PRXL2C: variants seen among roughly 807,000 people sequenced by gnomAD.
PRXL2C encodes peroxiredoxin like 2C, also known as peroxiredoxin-like 2C.
In PRXL2C, 38 loss-of-function variants were observed where a neutral mutation model predicts 24.9. That is an observed-to-expected ratio of 1.53 (90% CI 1.18 to 2.00). The LOEUF is 2.00. PRXL2C is among the 30% of genes most tolerant of loss of function. The pLI is 0.00. For synonymous variants in PRXL2C, 98 were observed against 117.2 expected (o/e 0.84, Z 1.06); for missense variants, 294 against 290.9 (o/e 1.01, Z -0.08).
intron 2 of PRXL2C, among the ~76,000 whole-genome samples, chr9:96,653,220 C>G (rs2119192608): frequency 6.7e-6 from 1 of 148,408 alleles, no homozygotes; most frequent in East Asian, 1.9e-4. Flanking sequence ...GAGTGAGACT[C>G]CATCTCAAAA....
rs1399674879 is a variant in PRXL2C at position 96,645,871 on chromosome 9, G to C, written c.553+22C>G. On this transcript the variant is annotated intron_variant, in intron 5 of 5. Coordinates refer to ENST00000375234, the MANE Select transcript of PRXL2C (RefSeq NM_153698.2). Reference sequence around the variant, plus strand: ...TAAAAAGCACAAGACGTCTACTGCTGAACCTGGGCTTTGATGCTTACCTGG... The same window carrying C: ...TAAAAAGCACAAGACGTCTACTGCTCAACCTGGGCTTTGATGCTTACCTGG... 7 of 1,586,876 alleles carry C rather than the reference G, an allele frequency of 4.4e-6. No individual in the cohort carries two copies. The African/African-American group carries it at 6.8e-5, about 16-fold the overall frequency.
chr9:96,643,262 T>G (rs1324490826), intron 5 of PRXL2C, among the ~76,000 whole-genome samples: 1 of 152,146 alleles, frequency 6.6e-6, no homozygotes, highest in African/African-American at 2.4e-5. Flanking sequence ...TATTTATTTT[T>G]GGGGGCAGTG....
chr9:96,645,653 C>T (rs907569860), intron 5 of PRXL2C, among the ~76,000 whole-genome samples: 6 of 151,784 alleles, frequency 4.0e-5, no homozygotes, highest in East Asian at 2.0e-4. Flanking sequence ...AAAAATTAGC[C>T]GGGCGTCGTG....
intron 5 of PRXL2C, 121 bp downstream of exon 5, chr9:96,645,772 T>G (rs552192991): frequency 2.4e-4 from 281 of 1,189,344 alleles, no homozygotes; most frequent in Admixed American, 1.0e-3. Context: ...ACTCCAGCCT[T>G]GGCGACAGAG....
chr9:96,652,153 C>T (rs1464471327), intron 2 of PRXL2C, among the ~76,000 whole-genome samples: 3 of 152,188 alleles, frequency 2.0e-5, no homozygotes, highest in Admixed American at 6.6e-5. Flanking sequence ...GCAAACTATA[C>T]ATCTGATAAG....
chr9:96,642,571 G>C (rs1588099327), intron 5 of PRXL2C, among the ~76,000 whole-genome samples: 1 of 149,510 alleles, frequency 6.7e-6, no homozygotes, highest in East Asian at 1.9e-4. Context: ...TTTTGAGACG[G>C]AGGCTCGCTT....
intron 4 of PRXL2C, among the ~76,000 whole-genome samples, chr9:96,646,725 A>T (rs143474461): frequency 1.3e-5 from 2 of 152,300 alleles, no homozygotes; most frequent in African/African-American, 4.8e-5. Flanking sequence ...CACAAGATGG[A>T]GGGTGCCTGG....
At position 96,655,152 on chromosome 9, in the gene PRXL2C, C is replaced by G; in HGVS notation, c.130G>C (p.Gly44Arg). ...AGCGCGCCGAACGGTACCCGCTGCC[C>G]GCGGGCGTCCAGCACCGGCAGCTCG... ...VAELPVLDAR[G>R]QRVPFGALFR... The change falls in exon 1 of 6, where the codon GGG (glycine) becomes CGG (arginine). Residue 44 changes from glycine to arginine, a missense_variant. Coordinates refer to ENST00000375234, the MANE Select transcript of PRXL2C (RefSeq NM_153698.2). 7.6e-7 allele frequency: 1 copy of G among 1,312,742 alleles called. No homozygotes were observed. Among genetic ancestry groups the G allele is most frequent in the Non-Finnish European group, 9.6e-7 (1 of 1,036,532 alleles). The allele number at this position is 1,312,742 out of a possible 1,614,324, so 81.3% of individuals were successfully genotyped here.
chr9:96,645,349 C>G (rs933190281), intron 5 of PRXL2C, among the ~76,000 whole-genome samples: 1 of 152,070 alleles, frequency 6.6e-6, no homozygotes, highest in Admixed American at 6.6e-5. Context: ...GGGAAATCAT[C>G]TAGGCATGGG....
chr9:96,642,103 T>C (rs1848125063), intron 5 of PRXL2C, among the ~76,000 whole-genome samples: 1 of 152,158 alleles, frequency 6.6e-6, no homozygotes, highest in Admixed American at 6.6e-5. Flanking sequence ...TACTTGATGT[T>C]TTATGAGATC....
At chr9:96,643,232 T>C (rs1848143170) in intron 5 of PRXL2C, among the ~76,000 whole-genome samples, 1 of 151,982 alleles carries the variant, frequency 6.6e-6, no homozygotes, top group African/African-American at 2.4e-5. Flanking sequence ...ATGCTCTCCA[T>C]GTGCTCTTTC....
rs1323069848 is a variant in PRXL2C, at chr9:96,655,119, C to A, written c.163G>T (p.Glu55Ter). The change falls in exon 1 of 6, where the codon GAG becomes TAG. Residue 55 changes from glutamate to a stop codon, truncating the protein, a stop_gained. Coordinates refer to ENST00000375234, the MANE Select transcript of PRXL2C (RefSeq NM_153698.2). LOFTEE classifies it high-confidence loss of function. Reference protein sequence around the residue: ...QRVPFGALFRERRAVVVFVRH... With the variant: ...QRVPFGALFR The stretch of plus-strand genomic sequence containing the variant: ...ACGAACACCACCACGGCGCGGCGCT[C>A]CCGGAACAGCGCGCCGAACGGTACC... 2 of 1,408,530 alleles carry A rather than the reference C, an allele frequency of 1.4e-6. No homozygotes were observed. Among genetic ancestry groups the A allele is most frequent in the East Asian group, 3.2e-5 (1 of 31,666 alleles). 87.3% of individuals were successfully genotyped at this position (1,408,530 alleles called of 1,614,324 possible).
chr9:96,645,190 T>C (rs1311773887), intron 5 of PRXL2C, among the ~76,000 whole-genome samples: 1 of 151,620 alleles, frequency 6.6e-6, no homozygotes, highest in East Asian at 2.0e-4. Flanking sequence ...ATTACAGGCG[T>C]AAACCACCGC....
rs749351590 is a variant in PRXL2C at position 96,641,813 on chromosome 9, A to C, written c.627T>G (p.Leu209=). 1.3e-6 allele frequency: 2 copies of C among 1,580,144 alleles called. No individual in the cohort carries two copies. Among genetic ancestry groups the C allele is most frequent in the Admixed American group, 1.7e-5 (1 of 59,368 alleles). ...TAAAGTTCACATGCTGAACTCCTAC[A>C]AGCTGTAAAACAGAGTTGATAGGTT... ...DHKPINSVLQ[L]VGVQHVNFTN... Residue 209 remains leucine (L), a synonymous_variant, in exon 6 of 6, where the codon CTT becomes CTG. Transcript: ENST00000375234.
rs1848113217 is a variant in PRXL2C, at chr9:96,641,475, T to C, written c.*284A>G. ...TGACTGAATATACCATAATGTAAAA[T>C]AATTTAGAGTATTTATGATTTTATA... is the stretch of plus-strand genomic sequence containing the variant. On this transcript the variant is annotated 3_prime_UTR_variant, in exon 6 of 6. Coordinates refer to ENST00000375234, the MANE Select transcript of PRXL2C (RefSeq NM_153698.2). 4.6e-6 allele frequency: 1 copy of C among 217,700 alleles called. No individual in the cohort carries two copies. Among genetic ancestry groups the C allele is most frequent in the African/African-American group, 2.3e-5 (1 of 43,976 alleles). 13.5% of individuals were successfully genotyped at this position (217,700 alleles called of 1,614,324 possible).
At chr9:96,646,099 A>G in intron 4 of PRXL2C, 75 bp from the exon 5 acceptor site, 2 of 1,422,968 alleles carry the variant, frequency 1.4e-6, no homozygotes, top group Non-Finnish European at 1.9e-6. Context: ...TATTTCTAGA[A>G]AACATTCTCT....
intron 4 of PRXL2C, among the ~76,000 whole-genome samples, chr9:96,649,962 A>G (rs1178768237): frequency 6.6e-6 from 1 of 152,166 alleles, no homozygotes; most frequent in Non-Finnish European, 1.5e-5. Context: ...TTTCTGAAGG[A>G]GTCATGTTTT....
At chr9:96,644,873 C>A (rs556775312) in intron 5 of PRXL2C, among the ~76,000 whole-genome samples, 1 of 117,814 alleles carries the variant, frequency 8.5e-6, no homozygotes, top group Non-Finnish European at 1.7e-5. Flanking sequence ...TAAATAACTA[C>A]ATGGATTCTT....
At chr9:96,642,016 T>C in intron 5 of PRXL2C, 130 bp from the exon 6 acceptor site, 2 of 622,314 alleles carry the variant, frequency 3.2e-6, no homozygotes, top group Non-Finnish European at 5.0e-6. Flanking sequence ...GAGTGCATTA[T>C]ATTCTCTATA....
Sources: gnomAD v4.1 joint callset for allele counts (sites outside exome capture counted in the v4.1 genomes callset) on GRCh38, gnomAD v4.1.1 for gene constraint, MANE v1.5 for transcripts, NCBI Gene and HGNC (gene_info 2026-07-23, HGNC 2026-07-21) for gene names.